Variants in TRMT11 observed in about 807,000 individuals in gnomAD.
TRMT11 encodes tRNA (guanine(10)-N(2))-methyltransferase TRMT11.
A neutral mutation model predicts 62.8 loss-of-function variants in TRMT11; 53 were observed. The observed-to-expected ratio is 0.84, with a 90% CI of 0.68 to 1.06. The LOEUF is 1.06. Among genes scored for constraint, TRMT11 ranks in the 50% least tolerant of loss-of-function variants. The probability of loss-of-function intolerance (pLI) is 0.00; values close to 1 mark genes in which losing one functional copy is unlikely to be tolerated. For synonymous variants in TRMT11, 188 were observed against 190.3 expected (o/e 0.99, Z 0.10); for missense variants, 556 against 553.4 (o/e 1.00, Z -0.05).
chr6:126,106,260 C>T (rs1236889835), intron 17 of TRMT11, among the ~76,000 whole-genome samples: 1 of 152,018 alleles, frequency 6.6e-6, no homozygotes, highest in Non-Finnish European at 1.5e-5. Context: ...TCTCCTGCCT[C>T]AGCCTCCCAA....
the TRMT11 span, among the ~76,000 whole-genome samples, chr6:126,240,371 G>A: frequency 6.6e-6 from 1 of 152,070 alleles, no homozygotes; most frequent in African/African-American, 2.4e-5. Flanking sequence ...TGATAGTGAC[G>A]TACAGATGGG....
intron 21 of TRMT11, among the ~76,000 whole-genome samples, chr6:126,141,062 A>G (rs963682079): frequency 6.6e-6 from 1 of 152,076 alleles, no homozygotes; most frequent in African/African-American, 2.4e-5. Flanking sequence ...GTTAAGTTAT[A>G]GGGATAAGTT....
chr6:126,081,415 A>C (rs1274303202), intron 17 of TRMT11, among the ~76,000 whole-genome samples: 3 of 152,186 alleles, frequency 2.0e-5, no homozygotes, highest in Non-Finnish European at 4.4e-5. Flanking sequence ...ACAAAAATGT[A>C]GGGGACACTG....
intron 17 of TRMT11, among the ~76,000 whole-genome samples, chr6:126,109,120 G>A (rs1377535685): frequency 2.0e-5 from 3 of 152,046 alleles, no homozygotes; most frequent in Non-Finnish European, 4.4e-5. Flanking sequence ...TTTGGTGTGT[G>A]TTTTCTAAGA....
intron 17 of TRMT11, among the ~76,000 whole-genome samples, chr6:126,094,071 G>A (rs189841741): frequency 1.7e-3 from 254 of 151,792 alleles, no homozygotes; most frequent in African/African-American, 5.8e-3. Context: ...TCTAAGCCAA[G>A]CAGTGTAATA....
At chr6:126,179,494 C>G (rs1207613952) in intron 1 of TRMT11, among the ~76,000 whole-genome samples, 2 of 152,126 alleles carry the variant, frequency 1.3e-5, no homozygotes, top group Non-Finnish European at 2.9e-5. Context: ...AGAAACATTC[C>G]TCACTTGGCT....
downstream of TRMT11, among the ~76,000 whole-genome samples, chr6:126,044,091 G>T (rs1184764895): frequency 6.6e-6 from 1 of 151,554 alleles, no homozygotes; most frequent in Non-Finnish European, 1.5e-5. Flanking sequence ...GTCTTTTGTT[G>T]CCATTGCTTT....
chr6:126,083,671 G>T (rs1777184430), intron 17 of TRMT11, among the ~76,000 whole-genome samples: 1 of 152,012 alleles, frequency 6.6e-6, no homozygotes, highest in Non-Finnish European at 1.5e-5. Flanking sequence ...TTCACATACA[G>T]AACAATTTTA....
At chr6:126,097,330 C>T (rs1425988855) in intron 17 of TRMT11, among the ~76,000 whole-genome samples, 1 of 152,042 alleles carries the variant, frequency 6.6e-6, no homozygotes, top group East Asian at 1.9e-4. Context: ...TAAATAATGC[C>T]TACATCACAA....
At chr6:126,092,775 T>A (rs1419612612) in intron 17 of TRMT11, among the ~76,000 whole-genome samples, 1 of 152,246 alleles carries the variant, frequency 6.6e-6, no homozygotes, top group Non-Finnish European at 1.5e-5. Flanking sequence ...ATGTCAGGAA[T>A]TTTTACCAAT....
At chr6:126,090,706 A>G (rs1455353698) in intron 17 of TRMT11, among the ~76,000 whole-genome samples, 1 of 152,208 alleles carries the variant, frequency 6.6e-6, no homozygotes, top group Non-Finnish European at 1.5e-5. Context: ...GCTCTAATAC[A>G]TAAGACTGGT....
chr6:126,135,118 G>A (rs765586647), intron 21 of TRMT11, among the ~76,000 whole-genome samples: 30 of 151,428 alleles, frequency 2.0e-4, no homozygotes, highest in Non-Finnish European at 3.7e-4. Flanking sequence ...CCCCAAAATA[G>A]TAGAAGGAAA....
At chr6:126,252,590 G>A in the TRMT11 span, among the ~76,000 whole-genome samples, 1 of 152,140 alleles carries the variant, frequency 6.6e-6, no homozygotes, top group African/African-American at 2.4e-5. Flanking sequence ...TTCTGCCTGT[G>A]GTTAAAACAA....
At chr6:126,089,080 A>G (rs143721840) in intron 17 of TRMT11, among the ~76,000 whole-genome samples, 16 of 151,442 alleles carry the variant, frequency 1.1e-4, no homozygotes, top group African/African-American at 3.9e-4. Flanking sequence ...CTCTCACTAC[A>G]TATTATACTC....
chr6:126,193,052 G>T (rs146482074), intron 1 of TRMT11, among the ~76,000 whole-genome samples: 1 of 152,046 alleles, frequency 6.6e-6, no homozygotes, highest in African/African-American at 2.4e-5. Context: ...CAGTGAATTC[G>T]TCATGTTCTG....
chr6:126,019,037 T>C (rs1478705317), intron 11 of TRMT11, among the ~76,000 whole-genome samples: 7 of 152,072 alleles, frequency 4.6e-5, no homozygotes, highest in Non-Finnish European at 1.0e-4. Flanking sequence ...TGTGCCACCA[T>C]GCCTGGCTAA....
intron 21 of TRMT11, among the ~76,000 whole-genome samples, chr6:126,163,392 A>G (rs370823875): frequency 6.6e-6 from 1 of 152,210 alleles, no homozygotes; most frequent in Non-Finnish European, 1.5e-5. Context: ...CTTGCATCCC[A>G]GGGATGAAGC....
chr6:126,166,868 G>C (rs925053711), intron 21 of TRMT11, among the ~76,000 whole-genome samples: 2 of 152,148 alleles, frequency 1.3e-5, no homozygotes, highest in Non-Finnish European at 2.9e-5. Flanking sequence ...TGCTGCGGTG[G>C]GTTCTGCACC....
At chr6:126,059,604 C>T (rs1412264266) in intron 17 of TRMT11, among the ~76,000 whole-genome samples, 1 of 152,108 alleles carries the variant, frequency 6.6e-6, no homozygotes, top group Non-Finnish European at 1.5e-5. Flanking sequence ...TCTTCATAAC[C>T]ATTTTATGTC....
Sources: gnomAD v4.1 joint callset for allele counts (sites outside exome capture counted in the v4.1 genomes callset) on GRCh38, gnomAD v4.1.1 for gene constraint, MANE v1.5 for transcripts, NCBI Gene and HGNC (gene_info 2026-07-23, HGNC 2026-07-21) for gene names.